The following COL5A2 variants were observed in gnomAD, a reference collection of about 807,000 sequenced individuals.
COL5A2 encodes collagen alpha-2(V) chain.
In COL5A2, 23 loss-of-function variants were observed where a neutral mutation model predicts 208.2. The observed-to-expected ratio is 0.11, with a 90% CI of 0.08 to 0.16. The LOEUF (loss-of-function observed/expected upper bound fraction) is 0.16. Among genes scored for constraint, COL5A2 ranks in the 10% least tolerant of loss-of-function variants. The pLI, the probability that COL5A2 is intolerant of heterozygous loss-of-function variation, is 1.00. For synonymous variants in COL5A2, 625 were observed against 628.5 expected, an observed-to-expected ratio of 0.99 and a Z score of 0.08; for missense variants, 1,590 against 1,956.4, an observed-to-expected ratio of 0.81 and a Z score of 3.53.
At chr2:189,079,385 C>T (rs190691307) in intron 14 of COL5A2, among the ~76,000 whole-genome samples, 3 of 152,192 alleles carry the variant, frequency 2.0e-5, no homozygotes, top group East Asian at 1.9e-4. Flanking sequence ...ACTTATCTGG[C>T]TATGTCTGAT....
intron 17 of COL5A2, among the ~76,000 whole-genome samples, 166 bp downstream of exon 17, chr2:189,075,226 AT>A (rs1306060879): frequency 6.6e-6 from 1 of 152,190 alleles, no homozygotes; most frequent in African/African-American, 2.4e-5. Flanking sequence ...CAATATTAAT[AT>A]CTCTCTCTTC....
the COL5A2 span, among the ~76,000 whole-genome samples, chr2:189,296,012 T>G: frequency 1.3e-3 from 194 of 152,296 alleles, no homozygotes; most frequent in South Asian, 7.9e-3. Flanking sequence ...TTCTGAAGTT[T>G]TTTAATCAAA....
chr2:189,425,639 C>T, the COL5A2 span, among the ~76,000 whole-genome samples: 1 of 152,150 alleles, frequency 6.6e-6, no homozygotes, highest in Non-Finnish European at 1.5e-5. Flanking sequence ...TTTCTGTCCC[C>T]ACCCCAATCT....
chr2:189,373,977 T>C, the COL5A2 span, among the ~76,000 whole-genome samples: 416 of 152,322 alleles, frequency 2.7e-3, no homozygotes, highest in African/African-American at 9.5e-3. Context: ...TGCTCTTGAC[T>C]GTTGCTGTGA....
chr2:189,162,782 G>A (rs1559131916), intron 1 of COL5A2, among the ~76,000 whole-genome samples: 1 of 152,144 alleles, frequency 6.6e-6, no homozygotes, highest in Non-Finnish European at 1.5e-5. Flanking sequence ...GAATCCCTGG[G>A]AGAGGAATTC....
chr2:189,085,441 G>A (rs1002510383), intron 10 of COL5A2, among the ~76,000 whole-genome samples: 24 of 152,092 alleles, frequency 1.6e-4, no homozygotes, highest in African/African-American at 5.6e-4. Context: ...AAAGCAAATC[G>A]CTCAGCACTG....
chr2:189,053,389 T>C (rs1559080975), intron 38 of COL5A2, 35 bp downstream of exon 38: 1 of 1,555,768 alleles, frequency 6.4e-7, no homozygotes. Flanking sequence ...AAGATAAGTG[T>C]TTATTTGTAA....
chr2:189,101,953 A>G (rs1283629881), intron 3 of COL5A2, among the ~76,000 whole-genome samples: 1 of 152,102 alleles, frequency 6.6e-6, no homozygotes, highest in Non-Finnish European at 1.5e-5. Flanking sequence ...CACATCCACT[A>G]ACTTCTAGAG....
chr2:189,364,490 C>A, the COL5A2 span, among the ~76,000 whole-genome samples: 3 of 152,240 alleles, frequency 2.0e-5, no homozygotes, highest in Admixed American at 2.0e-4. Flanking sequence ...AGTTCAAAAC[C>A]AGCCTGGCCA....
At chr2:189,253,313 T>C in the COL5A2 span, among the ~76,000 whole-genome samples, 41 of 152,372 alleles carry the variant, frequency 2.7e-4, no homozygotes, top group African/African-American at 9.9e-4. Flanking sequence ...TACTAGTTTA[T>C]GACTTTTGTC....
intron 1 of COL5A2, among the ~76,000 whole-genome samples, chr2:189,208,389 T>C (rs1175380028): frequency 4.6e-5 from 7 of 152,188 alleles, no homozygotes; most frequent in Admixed American, 4.6e-4. Flanking sequence ...GGTCATTAAT[T>C]TTGTCCAGAA....
At chr2:189,134,409 C>T (rs987778778) in intron 1 of COL5A2, among the ~76,000 whole-genome samples, 5 of 152,052 alleles carry the variant, frequency 3.3e-5, no homozygotes, top group South Asian at 2.1e-4. Flanking sequence ...AGCCAAATGG[C>T]GAAACCCCGT....
chr2:189,181,858 T>G (rs953049903), upstream of COL5A2, among the ~76,000 whole-genome samples: 1 of 152,200 alleles, frequency 6.6e-6, no homozygotes, highest in African/African-American at 2.4e-5. Flanking sequence ...AAAACCACCA[T>G]GCAGTCTCTC....
At chr2:189,312,029 T>C in the COL5A2 span, 4 of 754,544 alleles carry the variant, frequency 5.3e-6, no homozygotes, top group Non-Finnish European at 9.7e-6. Flanking sequence ...TGGCCAGCTC[T>C]GTCTCATACT....
the COL5A2 span, among the ~76,000 whole-genome samples, chr2:189,344,749 ACT>A: frequency 0.024 from 3,647 of 152,252 alleles, 157 homozygotes; most frequent in African/African-American, 0.084. Context: ...ATCAAAGGCT[ACT>A]CTTCCTAGGC....
At chr2:189,050,769 T>C in intron 42 of COL5A2, 93 bp from the exon 43 acceptor site, 1 of 1,078,816 alleles carries the variant, frequency 9.3e-7, no homozygotes, top group South Asian at 1.4e-5. Context: ...TTACAGGTTT[T>C]TCAGTATGAA....
intron 1 of COL5A2, among the ~76,000 whole-genome samples, chr2:189,218,939 G>A (rs992055459): frequency 1.5e-4 from 23 of 152,030 alleles, no homozygotes; most frequent in African/African-American, 5.6e-4. Flanking sequence ...AGTAAAAACC[G>A]GAAGTTACTT....
At chr2:189,296,568 G>A in the COL5A2 span, among the ~76,000 whole-genome samples, 8 of 152,318 alleles carry the variant, frequency 5.3e-5, no homozygotes, top group East Asian at 1.3e-3. Context: ...ACCTTCCTCT[G>A]AAGAGTGTTA....
the COL5A2 span, among the ~76,000 whole-genome samples, chr2:189,436,218 G>A: frequency 5.9e-5 from 9 of 152,236 alleles, no homozygotes; most frequent in East Asian, 1.7e-3. Flanking sequence ...TCAAGACATA[G>A]GCATGGGCAA....
Sources: gnomAD v4.1 joint callset for allele counts (sites outside exome capture counted in the v4.1 genomes callset) on GRCh38, gnomAD v4.1.1 for gene constraint, MANE v1.5 for transcripts, NCBI Gene and HGNC (gene_info 2026-07-23, HGNC 2026-07-21) for gene names.